The following TMEM219 variants were observed in gnomAD, a reference collection of about 807,000 sequenced individuals.
TMEM219 encodes transmembrane protein 219.
In TMEM219, 18 loss-of-function variants were observed where a neutral mutation model predicts 17.9. The observed-to-expected ratio is 1.01, with a 90% CI of 0.70 to 1.49. The LOEUF (loss-of-function observed/expected upper bound fraction) is 1.49, where lower values mean the gene tolerates loss of function less well. Ranked by LOEUF, TMEM219 falls within the 40% of genes most tolerant of loss-of-function variation. The pLI is 0.00. For synonymous variants in TMEM219, 113 were observed against 124.0 expected (o/e 0.91, Z 0.59); for missense variants, 288 against 292.4 (o/e 0.99, Z 0.11).
chr16:29,970,385 C>A (rs1212686813), intron 4 of TMEM219, among the ~76,000 whole-genome samples: 1 of 144,148 alleles, frequency 6.9e-6, no homozygotes, highest in Non-Finnish European at 1.5e-5. Flanking sequence ...AGTGCAGTGG[C>A]GCAATCTCAG....
chr16:29,971,276 T>G, intron 4 of TMEM219, 132 bp from the exon 5 acceptor site: 4 of 979,016 alleles, frequency 4.1e-6, no homozygotes, highest in Non-Finnish European at 6.0e-6. Context: ...AATGTCAGCT[T>G]ATATGAAAAT....
chr16:29,965,977 C>T (rs567426211), intron 3 of TMEM219, among the ~76,000 whole-genome samples: 32 of 152,252 alleles, frequency 2.1e-4, no homozygotes, highest in African/African-American at 5.8e-4. Flanking sequence ...CCTCATGATC[C>T]GCCCGCCTTG....
intron 1 of TMEM219, chr16:29,962,655 G>A (rs1363428420): frequency 1.3e-5 from 2 of 158,734 alleles, no homozygotes; most frequent in African/African-American, 4.8e-5. Context: ...TTATTACTTG[G>A]TGTTCTCAGA....
chr16:29,964,096 G>A (rs1016811905), intron 3 of TMEM219, among the ~76,000 whole-genome samples: 5 of 151,894 alleles, frequency 3.3e-5, no homozygotes, highest in African/African-American at 9.7e-5. Flanking sequence ...AGGCCGAGGC[G>A]GGCAGATCAT....
intron 5 of TMEM219, among the ~76,000 whole-genome samples, chr16:29,972,620 A>T (rs1180214089): frequency 1.3e-5 from 2 of 152,206 alleles, no homozygotes; most frequent in African/African-American, 4.8e-5. Context: ...GAAAAGTGGA[A>T]ATAGTTGAGG....
rs1171432108 is a variant in TMEM219 at position 29,971,420 on chromosome 16, C to G, written c.598C>G (p.Leu200Val). ...TKLLTSEELA[L>V]CGSRLLVLGS... Reference sequence around the variant, plus strand: ...TACCCCTCCCTAGGAGGAGCTGGCTCTGTGTGGCTCCAGGCTGCTGGTCTT... The same window carrying G: ...TACCCCTCCCTAGGAGGAGCTGGCTGTGTGTGGCTCCAGGCTGCTGGTCTT... Residue 200 changes from leucine to valine, a missense_variant, in exon 5 of 6, where the codon CTG becomes GTG. Physicochemically the swap from Leu to Val is conservative, Grantham distance 32. Coordinates refer to ENST00000279396, the MANE Select transcript of TMEM219 (RefSeq NM_001083613.2). 3.1e-6 allele frequency: 5 copies of G among 1,614,058 alleles called. No individual in the cohort carries two copies. The highest frequency in any genetic ancestry group is 4.2e-6 in the Non-Finnish European group (5 of 1,180,034).
intron 3 of TMEM219, among the ~76,000 whole-genome samples, chr16:29,965,867 G>A (rs555713940): frequency 1.4e-4 from 22 of 152,312 alleles, no homozygotes; most frequent in Admixed American, 9.8e-4. Flanking sequence ...CTCCCAAGTA[G>A]CTGGGATTAC....
intron 4 of TMEM219, among the ~76,000 whole-genome samples, chr16:29,968,771 C>G (rs2069245969): frequency 1.3e-5 from 2 of 152,170 alleles, no homozygotes; most frequent in African/African-American, 4.8e-5. Context: ...TTATAATGCA[C>G]AAAGTGCTCT....
At chr16:29,966,569 C>A (rs1159742310) in intron 3 of TMEM219, among the ~76,000 whole-genome samples, 1 of 151,932 alleles carries the variant, frequency 6.6e-6, no homozygotes, top group East Asian at 1.9e-4. Flanking sequence ...TAATCCCAGC[C>A]TTTGGAAGGC....
chr16:29,963,345 A>C, intron 2 of TMEM219, 37 bp downstream of exon 2: 1 of 1,613,828 alleles, frequency 6.2e-7, no homozygotes. Context: ...CTTCCTTCCA[A>C]CCTAGACAGG....
At chr16:29,972,906 C>T (rs1382052153) in intron 5 of TMEM219, 44 bp from the exon 6 acceptor site, 3 of 152,206 alleles carry the variant, frequency 2.0e-5, no homozygotes, top group Non-Finnish European at 2.9e-5. Context: ...CTTCCTCTAG[C>T]AGCTCTTCGA....
At chr16:29,972,413 C>T (rs1207386030) in intron 5 of TMEM219, among the ~76,000 whole-genome samples, 3 of 152,204 alleles carry the variant, frequency 2.0e-5, no homozygotes, top group African/African-American at 4.8e-5. Flanking sequence ...GAATCAGCTT[C>T]ACAAACGTAG....
At position 29,963,437 on chromosome 16, in the gene TMEM219, C is replaced by A. The variant is rs773402596; in HGVS notation, c.203C>A (p.Thr68Asn). Reference sequence around the variant, plus strand: ...TTTTTGAGATCTTTTGGCCAGCTGACCCTGTGTCCCAGGAATGGGACAGTC... The same window carrying A: ...TTTTTGAGATCTTTTGGCCAGCTGAACCTGTGTCCCAGGAATGGGACAGTC... ...VSFLRSFGQL[T>N]LCPRNGTVTG... The change falls in exon 3 of 6, where the codon ACC (threonine) becomes AAC (asparagine). Residue 68 changes from threonine (T) to asparagine (N), a missense_variant. Coordinates refer to ENST00000279396, the MANE Select transcript of TMEM219 (RefSeq NM_001083613.2). The A allele has an allele frequency of 3.1e-6, 5 of 1,614,218 alleles. No individual in the cohort carries two copies. The highest frequency in any genetic ancestry group is 4.2e-6 in the Non-Finnish European group (5 of 1,180,030).
rs749480483 is a variant in TMEM219 at position 29,968,255 on chromosome 16, G to A, written c.585+1G>A. On this transcript the variant is annotated splice_donor_variant, in intron 4 of 5. Coordinates refer to ENST00000279396, the MANE Select transcript of TMEM219 (RefSeq NM_001083613.2). LOFTEE classifies it high-confidence loss of function. ...TGTGCTGACCAAGCTGCTCACCTCG[G>A]TAAGAGCCTCAGATGGGTCGCCAGG... is the stretch of plus-strand genomic sequence containing the variant. 3 of 1,610,572 alleles carry A rather than the reference G, an allele frequency of 1.9e-6. No individual in the cohort carries two copies. The highest frequency in any genetic ancestry group is 1.1e-5 in the South Asian group (1 of 91,044).
At chr16:29,967,761 A>G (rs2069230704) in intron 3 of TMEM219, among the ~76,000 whole-genome samples, 1 of 152,128 alleles carries the variant, frequency 6.6e-6, no homozygotes, top group African/African-American at 2.4e-5. Context: ...CCCCGTCTCT[A>G]CTAAAAATAC....
At chr16:29,963,882 CAAA>C (rs34734372) in intron 3 of TMEM219, among the ~76,000 whole-genome samples, 4 of 78,390 alleles carry the variant, frequency 5.1e-5, no homozygotes, top group African/African-American at 1.6e-4. Flanking sequence ...GACTCTGTCT[CAAA>C]AAAAAAAAAA....
intron 4 of TMEM219, among the ~76,000 whole-genome samples, chr16:29,969,405 C>T (rs527761184): frequency 4.6e-5 from 7 of 152,120 alleles, no homozygotes; most frequent in Admixed American, 4.6e-4. Context: ...CCTTGTTAGC[C>T]AGGATGATCT....
At position 29,968,040 on chromosome 16, in the gene TMEM219, A is replaced by G; in HGVS notation, c.371A>G (p.Gln124Arg). ...QMGLKGSSAG[Q>R]LVLITARVTT... ...CCTTTCACAGGATCTTCTGCAGGAC[A>G]ACTGGTCCTTATCACAGCCAGGGTG... The change falls in exon 4 of 6, where the codon CAA becomes CGA. Residue 124 changes from glutamine (Q) to arginine (R), a missense_variant. Coordinates refer to ENST00000279396, the MANE Select transcript of TMEM219 (RefSeq NM_001083613.2). The G allele has an allele frequency of 1.2e-6, 2 of 1,614,014 alleles. No homozygotes were observed.
intron 3 of TMEM219, among the ~76,000 whole-genome samples, chr16:29,967,804 G>A (rs1404643497): frequency 6.6e-6 from 1 of 152,016 alleles, no homozygotes; most frequent in African/African-American, 2.4e-5. Flanking sequence ...GTGGGCACCT[G>A]TAGTCCCAGC....
Sources: allele counts gnomAD v4.1 joint callset (sites outside exome capture counted in the v4.1 genomes callset), GRCh38; gene constraint gnomAD v4.1.1; transcripts MANE v1.5; gene names NCBI Gene and HGNC (gene_info 2026-07-23, HGNC 2026-07-21).